Variants in NUAK1 observed in about 807,000 individuals in gnomAD.
NUAK1 encodes the protein NUAK family SNF1-like kinase 1.
Under a neutral mutation model 56.9 loss-of-function variants are expected in NUAK1, and 26 were observed. That is an observed-to-expected ratio of 0.46 (90% CI 0.33 to 0.63). The LOEUF (loss-of-function observed/expected upper bound fraction) is 0.63. Among genes scored for constraint, NUAK1 ranks in the 30% least tolerant of loss-of-function variants. The pLI is 0.02. For missense variants in NUAK1, 727 were observed against 876.1 expected (o/e 0.83, Z 2.15); for synonymous variants, 337 against 336.0 (o/e 1.00, Z -0.03).
chr12:106,129,481 A>G (rs995327872), intron 1 of NUAK1, among the ~76,000 whole-genome samples: 1 of 152,202 alleles, frequency 6.6e-6, no homozygotes, highest in Non-Finnish European at 1.5e-5. Context: ...TGGAGCCTAC[A>G]AATAGTCCAA....
At chr12:106,137,803 CAA>C (rs1355471604) in intron 1 of NUAK1, among the ~76,000 whole-genome samples, 1 of 152,244 alleles carries the variant, frequency 6.6e-6, no homozygotes, top group African/African-American at 2.4e-5. Context: ...AGCCATGATG[CAA>C]ACTGTTAGAA....
chr12:106,076,720 C>A (rs951951787), intron 4 of NUAK1, among the ~76,000 whole-genome samples: 1 of 152,034 alleles, frequency 6.6e-6, no homozygotes, highest in African/African-American at 2.4e-5. Context: ...ACAGATGAAC[C>A]CTGAAGATGT....
chr12:106,084,060 T>G (rs2032547932), intron 3 of NUAK1, 131 bp from the exon 4 acceptor site: 11 of 745,492 alleles, frequency 1.5e-5, no homozygotes, highest in Middle Eastern at 5.1e-4. Flanking sequence ...CCGGTGGTCT[T>G]CACCTCCATC....
intron 2 of NUAK1, among the ~76,000 whole-genome samples, chr12:106,087,890 T>C (rs2032590510): frequency 6.6e-6 from 1 of 152,182 alleles, no homozygotes; most frequent in Non-Finnish European, 1.5e-5. Context: ...CCAGCATGGA[T>C]GGGGAACTAA....
intron 2 of NUAK1, among the ~76,000 whole-genome samples, chr12:106,099,330 T>C (rs1438101962): frequency 6.6e-6 from 1 of 152,224 alleles, no homozygotes; most frequent in African/African-American, 2.4e-5. Context: ...TTCTGCAGTT[T>C]AGAAAACACT....
In NUAK1 at chr12:106,106,499, G is replaced by T. The variant is rs772345606; in HGVS notation, c.267C>A (p.Asp89Glu). 11 of 1,612,772 alleles carry T rather than the reference G, an allele frequency of 6.8e-6. No homozygotes were observed. Among genetic ancestry groups the T allele is most frequent in the Non-Finnish European group, 9.3e-6 (11 of 1,179,408 alleles). ...RVVAIKSIRK[D>E]KIKDEQDMVH... ...CCATGTCTTGTTCATCCTTAATTTTGTCCTTACGAATGGATTTTATAGCAA... is the reference window on the plus strand; with the variant it reads ...CCATGTCTTGTTCATCCTTAATTTTTTCCTTACGAATGGATTTTATAGCAA... Residue 89 changes from aspartate (D) to glutamate (E), a missense_variant, in exon 2 of 7, where the codon GAC (aspartate) becomes GAA (glutamate). Physicochemically the swap from Asp to Glu is conservative, Grantham distance 45. Transcript: ENST00000261402.
rs1255314909 is a variant in NUAK1 at position 106,065,656 on chromosome 12, G to A, written c.*1146C>T. On this transcript the variant is annotated 3_prime_UTR_variant, in exon 7 of 7. Coordinates refer to ENST00000261402, the MANE Select transcript of NUAK1 (RefSeq NM_014840.3). ...CTGAGGATGCTACACTCAGTGGATG[G>A]GGAAACCATCTGTCACTGGTGAACA... 2 of 152,554 alleles carry A rather than the reference G, an allele frequency of 1.3e-5. No individual in the cohort carries two copies. Among genetic ancestry groups the A allele is most frequent in the African/African-American group, 2.4e-5 (1 of 41,438 alleles). The allele number at this position is 152,554 out of a possible 1,614,324, so 9.5% of individuals were successfully genotyped here.
chr12:106,134,362 C>G (rs2033108162), intron 1 of NUAK1, among the ~76,000 whole-genome samples: 1 of 152,236 alleles, frequency 6.6e-6, no homozygotes, highest in African/African-American at 2.4e-5. Flanking sequence ...CTATGAATAG[C>G]TTTGGGTGCT....
chr12:106,065,471 T>C lies in NUAK1; in HGVS notation c.*1331A>G, dbSNP rs947195211. Reference sequence around the variant, plus strand: ...CCTTATTCATTTAAATGAATGGAACTTTCTCTTCCCCCAAAGCCCAGGAGT... The same window carrying C: ...CCTTATTCATTTAAATGAATGGAACCTTCTCTTCCCCCAAAGCCCAGGAGT... On this transcript the variant is annotated 3_prime_UTR_variant, in exon 7 of 7. Transcript: ENST00000261402. The C allele has an allele frequency of 6.6e-6, 1 of 152,178 alleles. No homozygotes were observed. The highest frequency in any genetic ancestry group is 6.5e-5 in the Admixed American group (1 of 15,278). 9.4% of individuals were successfully genotyped at this position (152,178 alleles called of 1,614,324 possible). A position where few individuals can be genotyped will look rare whatever the true frequency, so the allele number is the denominator to read the frequency against.
intron 1 of NUAK1, among the ~76,000 whole-genome samples, chr12:106,126,603 T>G (rs996015258): frequency 6.6e-6 from 1 of 152,242 alleles, no homozygotes; most frequent in Non-Finnish European, 1.5e-5. Context: ...AAGTGCTCAG[T>G]AAAGGTTAGC....
chr12:106,138,606 C>T lies in NUAK1; in HGVS notation c.48G>A (p.Gly16=). 2 of 1,555,366 alleles carry T rather than the reference C, an allele frequency of 1.3e-6. No homozygotes were observed. The change falls in exon 1 of 7, where the codon GGG becomes GGA. Residue 16 remains glycine, a synonymous_variant. Coordinates refer to ENST00000261402, the MANE Select transcript of NUAK1 (RefSeq NM_014840.3). This position sits in a 1 kb window ranked among gnomAD's most constrained non-coding sequence, Gnocchi z 5.0. ...APVAGDRPDL[G]LGAPGSPREA... ...CTCGGGGAGAGCCCGGCGCCCCCAG[C>T]CCCAAGTCGGGGCGGTCCCCCGCCA...
intron 1 of NUAK1, among the ~76,000 whole-genome samples, chr12:106,129,246 G>A (rs572089357): frequency 5.3e-5 from 8 of 152,268 alleles, no homozygotes; most frequent in Non-Finnish European, 7.3e-5. Context: ...GCGTGACCCA[G>A]AGAAGGAGGA....
Position 106,067,990 on chromosome 12 carries a change from T to C in NUAK1, c.833-35A>G, listed in dbSNP as rs1565917734. 6.4e-7 allele frequency: 1 copy of C among 1,560,784 alleles called. No individual in the cohort carries two copies. On this transcript the variant is annotated intron_variant, in intron 6 of 6. Transcript: ENST00000261402. The surrounding 1 kb of genome is among the most constrained non-coding windows in gnomAD (Gnocchi z 6.0). The stretch of plus-strand genomic sequence containing the variant: ...AAGGGACAAAAAGAATCGGGCATTA[T>C]GTGGGAGCTTCTGGCTTTGTGATAG...
At chr12:106,079,211 C>A (rs771889033) in intron 4 of NUAK1, among the ~76,000 whole-genome samples, 6 of 152,206 alleles carry the variant, frequency 3.9e-5, no homozygotes, top group Non-Finnish European at 7.3e-5. Flanking sequence ...ACATGGGGCT[C>A]TAGCTTCTAG....
intron 2 of NUAK1, among the ~76,000 whole-genome samples, chr12:106,095,830 C>G (rs1283125424): frequency 6.6e-6 from 1 of 152,078 alleles, no homozygotes; most frequent in Non-Finnish European, 1.5e-5. Context: ...GCAAGCCTAG[C>G]TCTCTTTCAT....
intron 1 of NUAK1, among the ~76,000 whole-genome samples, chr12:106,113,102 T>A (rs1395847713): frequency 6.6e-6 from 1 of 152,144 alleles, no homozygotes; most frequent in Non-Finnish European, 1.5e-5. Context: ...ACAGGGACAG[T>A]CATTCCTTGG....
chr12:106,091,856 C>T (rs2032638621), intron 2 of NUAK1, among the ~76,000 whole-genome samples: 2 of 152,090 alleles, frequency 1.3e-5, no homozygotes, highest in South Asian at 2.1e-4. Flanking sequence ...ATTTATTCCT[C>T]ACAATAATCT....
Position 106,066,708 on chromosome 12 carries a change from G to A in NUAK1, c.*94C>T. The A allele has an allele frequency of 9.3e-7, 1 of 1,074,360 alleles. No homozygotes were observed. Among genetic ancestry groups the A allele is most frequent in the South Asian group, 1.5e-5 (1 of 67,372 alleles). The allele number at this position is 1,074,360 out of a possible 1,614,324, so 66.6% of individuals were successfully genotyped here. A position where few individuals can be genotyped will look rare whatever the true frequency, so the allele number is the denominator to read the frequency against. ...AGTGCCAATCCTTTTTCAGTCTGTT[G>A]TCACAGCCAGCAAAGAGGTAACCAG... On this transcript the variant is annotated 3_prime_UTR_variant, in exon 7 of 7. Transcript: ENST00000261402.
intron 2 of NUAK1, among the ~76,000 whole-genome samples, chr12:106,098,784 G>A (rs967873): frequency 6.6e-6 from 1 of 152,308 alleles, no homozygotes; most frequent in South Asian, 2.1e-4. Flanking sequence ...TTTCAAAGGG[G>A]AAGTGGGGGT....
Sources: allele counts gnomAD v4.1 joint callset (sites outside exome capture counted in the v4.1 genomes callset), GRCh38; gene constraint gnomAD v4.1.1; non-coding constraint Gnocchi (gnomAD v3.1); transcripts MANE v1.5; gene names NCBI Gene and HGNC (gene_info 2026-07-23, HGNC 2026-07-21).